Variants in TPGS2 observed in about 807,000 individuals in gnomAD.
TPGS2 encodes the protein polyglutamylase subunit 2.
In TPGS2, 26 loss-of-function variants were observed where a neutral mutation model predicts 31.1. That is an observed-to-expected ratio of 0.84 (90% CI 0.61 to 1.16). TPGS2 has a LOEUF of 1.16. Ranked by LOEUF, TPGS2 falls within the 50% of genes most tolerant of loss-of-function variation. The probability of loss-of-function intolerance (pLI) is 0.00; values close to 1 mark genes in which losing one functional copy is unlikely to be tolerated. For missense variants in TPGS2, 351 were observed against 363.8 expected, an observed-to-expected ratio of 0.96 and a Z score of 0.29; for synonymous variants, 130 against 136.6, an observed-to-expected ratio of 0.95 and a Z score of 0.34.
intron 6 of TPGS2, among the ~76,000 whole-genome samples, chr18:36,784,884 G>A (rs2044094116): frequency 6.6e-6 from 1 of 152,116 alleles, no homozygotes; most frequent in Admixed American, 6.5e-5. Flanking sequence ...ATGCTTTGGG[G>A]CACAAAATAT....
downstream of TPGS2, chr18:36,781,937 T>C: frequency 1.0e-6 from 1 of 985,064 alleles, no homozygotes; most frequent in Non-Finnish European, 1.2e-6. Flanking sequence ...TTGAAAAGAA[T>C]ACATAGGGTA....
chr18:36,805,325 A>G (rs1003346004), intron 4 of TPGS2, 49 bp downstream of exon 4: 3 of 1,602,742 alleles, frequency 1.9e-6, no homozygotes, highest in Non-Finnish European at 2.6e-6. Context: ...TGCGCCAGGC[A>G]TGGAGCTGGA....
At chr18:36,823,378 G>A (rs1459084658) in intron 1 of TPGS2, among the ~76,000 whole-genome samples, 1 of 151,756 alleles carries the variant, frequency 6.6e-6, no homozygotes, top group Non-Finnish European at 1.5e-5. Flanking sequence ...TTGTTAAAAG[G>A]TCCCATGCAT....
intron 1 of TPGS2, among the ~76,000 whole-genome samples, chr18:36,828,482 C>T (rs2046303562): frequency 6.6e-6 from 1 of 152,134 alleles, no homozygotes; most frequent in Non-Finnish European, 1.5e-5. Flanking sequence ...CCAGCTCTGC[C>T]TCCGAACACT....
intron 1 of TPGS2, among the ~76,000 whole-genome samples, chr18:36,820,087 C>T (rs965600412): frequency 6.6e-6 from 1 of 152,192 alleles, no homozygotes; most frequent in Non-Finnish European, 1.5e-5. Context: ...AAAATTTCCT[C>T]CAAGTTGCCA....
At chr18:36,815,613 C>CTT (rs34425185) in intron 2 of TPGS2, among the ~76,000 whole-genome samples, 18,142 of 150,720 alleles carry the variant, frequency 0.12, 1,320 homozygotes, top group Admixed American at 0.17. Flanking sequence ...TCCTAGGAGA[C>CTT]TTTTTTTTTG....
At chr18:36,782,016 G>T, downstream of TPGS2, 1 of 879,556 alleles carries the variant, frequency 1.1e-6, no homozygotes, top group Non-Finnish European at 1.4e-6. Context: ...AATAGTTTGT[G>T]AGAGTGTTCG....
intron 5 of TPGS2, 37 bp downstream of exon 5, chr18:36,800,161 G>A (rs754635741): frequency 6.3e-7 from 1 of 1,588,308 alleles, no homozygotes; most frequent in Non-Finnish European, 8.6e-7. Flanking sequence ...CAAGACCCTA[G>A]CCAAACTACG....
intron 2 of TPGS2, among the ~76,000 whole-genome samples, chr18:36,815,076 T>C (rs1345987039): frequency 4.6e-5 from 7 of 152,238 alleles, no homozygotes; most frequent in Non-Finnish European, 8.8e-5. Context: ...AGATGGAGGC[T>C]GGGCTCTAAA....
chr18:36,783,493 G>T (rs946034832), intron 6 of TPGS2, among the ~76,000 whole-genome samples: 3 of 152,150 alleles, frequency 2.0e-5, no homozygotes, highest in African/African-American at 7.2e-5. Context: ...GAATATTAAG[G>T]TTTTTTTCTT....
chr18:36,828,538 C>G, intron 1 of TPGS2, 145 bp downstream of exon 1: 2 of 872,902 alleles, frequency 2.3e-6, no homozygotes, highest in Non-Finnish European at 1.8e-6. Context: ...AGGTCCCCCA[C>G]TTTCCTCTGT....
intron 2 of TPGS2, among the ~76,000 whole-genome samples, chr18:36,817,955 CA>C (rs978531650): frequency 3.9e-5 from 6 of 152,180 alleles, no homozygotes; most frequent in African/African-American, 1.4e-4. Flanking sequence ...AATCTAACTT[CA>C]AAGTTCCCTA....
At chr18:36,816,819 G>C (rs1039548479) in intron 2 of TPGS2, among the ~76,000 whole-genome samples, 3 of 152,196 alleles carry the variant, frequency 2.0e-5, no homozygotes, top group Non-Finnish European at 4.4e-5. Context: ...ATATTGGCCA[G>C]GCTGGTCTCG....
chr18:36,803,679 A>G (rs181152166), intron 4 of TPGS2, among the ~76,000 whole-genome samples: 10 of 151,998 alleles, frequency 6.6e-5, no homozygotes, highest in African/African-American at 1.7e-4. Flanking sequence ...AAATTTATTC[A>G]TCTATGCTTT....
chr18:36,789,379 CTAA>C (rs1320152059), downstream of TPGS2: 1 of 152,096 alleles, frequency 6.6e-6, no homozygotes, highest in Non-Finnish European at 1.5e-5. Context: ...CTATATATAA[CTAA>C]TATGGTAGCC....
chr18:36,805,598 T>G, intron 3 of TPGS2, 96 bp from the exon 4 acceptor site: 1 of 1,538,966 alleles, frequency 6.5e-7, no homozygotes, highest in Non-Finnish European at 8.9e-7. Flanking sequence ...GCCCAGGTAT[T>G]GTTTCGCCCC....
intron 6 of TPGS2, among the ~76,000 whole-genome samples, chr18:36,787,913 G>A (rs2044179346): frequency 6.6e-6 from 1 of 152,192 alleles, no homozygotes; most frequent in African/African-American, 2.4e-5. Context: ...TAATATTTAT[G>A]TCTTTGGAAG....
intron 3 of TPGS2, chr18:36,805,968 CT>C (rs1463324251): frequency 6.6e-6 from 1 of 152,506 alleles, no homozygotes; most frequent in Non-Finnish European, 1.5e-5. Context: ...AAATTCCCCC[CT>C]TCTCTTTATC....
chr18:36,785,476 T>TA (rs1260227022), intron 6 of TPGS2, among the ~76,000 whole-genome samples: 3 of 152,172 alleles, frequency 2.0e-5, no homozygotes, highest in African/African-American at 7.2e-5. Context: ...GCTTTGATGA[T>TA]AGAGTCATTT....
Sources: gnomAD v4.1 joint callset for allele counts (sites outside exome capture counted in the v4.1 genomes callset) on GRCh38, gnomAD v4.1.1 for gene constraint, MANE v1.5 for transcripts, NCBI Gene and HGNC (gene_info 2026-07-23, HGNC 2026-07-21) for gene names.